The following MOV10 variants were observed in gnomAD, a reference collection of about 807,000 sequenced individuals.
The protein encoded by MOV10 is RNA helicase MOV-10.
Under a neutral mutation model 108.4 loss-of-function variants are expected in MOV10, and 39 were observed. The observed-to-expected ratio is 0.36, with a 90% CI of 0.28 to 0.47. MOV10 has a LOEUF of 0.47. MOV10 is among the 20% of genes least tolerant of loss of function. The pLI is 1.00. For missense variants in MOV10, 952 were observed against 1,297.6 expected, an observed-to-expected ratio of 0.73 and a Z score of 4.09; for synonymous variants, 490 against 523.1, an observed-to-expected ratio of 0.94 and a Z score of 0.86.
Position 112,684,547 on chromosome 1 carries a change from C to T in MOV10, c.138-4388C>T, listed in dbSNP as rs190070602. ...CCTCCCAAAGTGCTGGGATTACAGG[C>T]GTGAGCCACCGTGCCCGGACAGTCC... On this transcript the variant is annotated intron_variant, in intron 2 of 20. Coordinates refer to ENST00000369645, the MANE Select transcript of MOV10 (RefSeq NM_001321324.2). Among the ~76,000 whole-genome samples, 213 of 152,216 alleles carry T rather than the reference C, an allele frequency of 1.4e-3. 1 individual carries two copies. The highest frequency in any genetic ancestry group is 2.0e-3 in the Non-Finnish European group (134 of 67,994).
intron 11 of MOV10, 87 bp from the exon 12 acceptor site, chr1:112,696,061 T>G: frequency 1.1e-6 from 1 of 873,694 alleles, no homozygotes; most frequent in Non-Finnish European, 1.9e-6. Context: ...ATAAAAATAA[T>G]TGTTTGAGGG....
In MOV10 at chr1:112,698,697, C is replaced by A. The variant is rs753802689; in HGVS notation, c.2509-18C>A. 5 of 1,612,762 alleles carry A rather than the reference C, an allele frequency of 3.1e-6. No individual in the cohort carries two copies. The East Asian group carries it at 6.7e-5, about 22-fold the overall frequency. On this transcript the variant is annotated intron_variant, in intron 16 of 20. Transcript: ENST00000369645. ...AGGTTAATGGCACGAGAGAAAGGCA[C>A]CTGTCCCCTCCTTCCAGGTGGAGAA...
At chr1:112,679,466 G>T (rs1570750629) in intron 2 of MOV10, among the ~76,000 whole-genome samples, 1 of 152,050 alleles carries the variant, frequency 6.6e-6, no homozygotes, top group South Asian at 2.1e-4. Flanking sequence ...TTGCATTATC[G>T]TTGTTACTAT....
chr1:112,689,853 A>G lies in MOV10; in HGVS notation c.591A>G (p.Glu197=). ...ATTCTCCTCCAGGTGAATGCTATGA[A>G]CTCCATGTCCATTGTAAGACCAGCT... ...PCPLGPGECY[E]LHVHCKTSFV... The change falls in exon 5 of 21, where the codon GAA becomes GAG. Residue 197 remains glutamate (E), a synonymous_variant. Transcript: ENST00000369645. 1 of 1,613,926 alleles carries G rather than the reference A, an allele frequency of 6.2e-7. No homozygotes were observed. Among genetic ancestry groups the G allele is most frequent in the Non-Finnish European group, 8.5e-7 (1 of 1,179,954 alleles).
intron 2 of MOV10, among the ~76,000 whole-genome samples, chr1:112,680,348 T>G (rs181170696): frequency 4.6e-5 from 7 of 151,618 alleles, no homozygotes; most frequent in Non-Finnish European, 8.8e-5. Context: ...GTTAGATACT[T>G]GTTTAAATGT....
At chr1:112,688,159 A>C (rs1394672173) in intron 2 of MOV10, among the ~76,000 whole-genome samples, 2 of 152,050 alleles carry the variant, frequency 1.3e-5, no homozygotes, top group Non-Finnish European at 2.9e-5. Flanking sequence ...GTGCTCCTCG[A>C]GGCAAGCGCT....
intron 3 of MOV10, 123 bp from the exon 4 acceptor site, chr1:112,689,292 G>C (rs112433463): frequency 8.3e-7 from 1 of 1,211,584 alleles, no homozygotes; most frequent in Non-Finnish European, 1.2e-6. Flanking sequence ...CTGCTGGGAG[G>C]GGGTGAGTTT....
chr1:112,693,673 T>G lies in MOV10; in HGVS notation c.1141-345T>G, dbSNP rs1463877811. The G allele has an allele frequency of 5.1e-5, 8 of 157,836 alleles. No homozygotes were observed. In the East Asian group the frequency reaches 7.3e-4, roughly 14 times the overall value. The allele number at this position is 157,836 out of a possible 1,614,324, so 9.8% of individuals were successfully genotyped here. Reference sequence around the variant, plus strand: ...AGCCACCATGCCTGGTCCGTTTTTTTTTTTTTTTTTTTTTAATTATTTTTT... The same window carrying G: ...AGCCACCATGCCTGGTCCGTTTTTTGTTTTTTTTTTTTTTAATTATTTTTT... On this transcript the variant is annotated intron_variant, in intron 7 of 20. Coordinates refer to ENST00000369645, the MANE Select transcript of MOV10 (RefSeq NM_001321324.2).
In MOV10 at chr1:112,695,582, G is replaced by GGCCAAA. The variant is rs752454584; in HGVS notation, c.1779+9_1779+10insCCAAAG. ...GTACCTGAGGACATCAAGGTACTAGGGAAGTGCAGAGGGCCAAAGAATGGC... is the reference window on the plus strand; with the variant it reads ...GTACCTGAGGACATCAAGGTACTAGGGCCAAAGAAGTGCAGAGGGCCAAAGAATGGC... On this transcript the variant is annotated intron_variant, in intron 11 of 20. Transcript: ENST00000369645. The GGCCAAA allele has an allele frequency of 6.2e-7, 1 of 1,612,966 alleles. No homozygotes were observed. Among genetic ancestry groups the GGCCAAA allele is most frequent in the South Asian group, 1.1e-5 (1 of 90,992 alleles).
At position 112,689,973 on chromosome 1, in the gene MOV10, C is replaced by T. The variant is rs1673436812; in HGVS notation, c.711C>T (p.Phe237=). Residue 237 remains phenylalanine, a synonymous_variant, in exon 5 of 21, where the codon TTC becomes TTT. Coordinates refer to ENST00000369645, the MANE Select transcript of MOV10 (RefSeq NM_001321324.2). The part of the protein sequence containing the change: ...EGAGTFYIAR[F]LAAVAHSPLA... ...CCGGCACATTCTACATTGCCCGCTT[C>T]TTGGCTGCCGTCGCCCACAGCCCCC... 6.2e-6 allele frequency: 10 copies of T among 1,614,170 alleles called. No homozygotes were observed. Among genetic ancestry groups the T allele is most frequent in the Non-Finnish European group, 8.5e-6 (10 of 1,180,048 alleles).
chr1:112,674,959 G>A lies in MOV10; in HGVS notation c.47G>A (p.Cys16Tyr), dbSNP rs1430194817. The A allele has an allele frequency of 1.3e-6, 2 of 1,583,610 alleles. No homozygotes were observed. Among genetic ancestry groups the A allele is most frequent in the African/African-American group, 2.8e-5 (2 of 72,036 alleles). ...SCRQLREAGQ[C>Y]FESFLVVRGL... is the part of the protein sequence containing the mutation. ...CGGCAGCTCCGGGAGGCGGGCCAGT[G>A]TTTCGAGAGTTTCCTGGTCGTTCGG... The change falls in exon 2 of 21, where the codon TGT (cysteine) becomes TAT (tyrosine). Residue 16 changes from cysteine (C) to tyrosine (Y), a missense_variant. Coordinates refer to ENST00000369645, the MANE Select transcript of MOV10 (RefSeq NM_001321324.2).
intron 2 of MOV10, among the ~76,000 whole-genome samples, chr1:112,676,270 A>C (rs141583209): frequency 3.5e-4 from 54 of 152,320 alleles, no homozygotes; most frequent in African/African-American, 9.1e-4. Context: ...ACAATATAGG[A>C]TAGTACATGG....
Position 112,675,473 on chromosome 1 carries a change from G to A in MOV10, c.137+424G>A, listed in dbSNP as rs1009089961. ...CCTGTTGGGGGCTGCGAGCCCGAGC[G>A]CGGGCTTTACAGGGACCTCTGCCAC... is the stretch of plus-strand genomic sequence containing the variant. On this transcript the variant is annotated intron_variant, in intron 2 of 20. Transcript: ENST00000369645. This position sits in a 1 kb window ranked among gnomAD's most constrained non-coding sequence, Gnocchi z 4.7. Among the ~76,000 whole-genome samples the A allele has an allele frequency of 2.0e-5, 3 of 152,222 alleles. No individual in the cohort carries two copies. Among genetic ancestry groups the A allele is most frequent in the African/African-American group, 7.2e-5 (3 of 41,458 alleles).
At position 112,694,055 on chromosome 1, in the gene MOV10, G is replaced by A. The variant is rs114362309; in HGVS notation, c.1178G>A (p.Arg393Gln). The A allele has an allele frequency of 3.1e-6, 5 of 1,613,868 alleles. No homozygotes were observed. Among genetic ancestry groups the A allele is most frequent in the Admixed American group, 1.7e-5 (1 of 59,988 alleles). ...ACTGAGAGCCGCCCCTCAGTGCTAC[G>A]GGGCGACCACCTGTTTGCCCTTTTG... ...GVTESRPSVL[R>Q]GDHLFALLSS... Residue 393 changes from arginine to glutamine, a missense_variant, in exon 8 of 21, where the codon CGG becomes CAG. Physicochemically the swap from Arg to Gln is conservative, Grantham distance 43. Transcript: ENST00000369645. This position sits in a 1 kb window ranked among gnomAD's most constrained non-coding sequence, Gnocchi z 4.1.
chr1:112,686,642 A>T (rs1390419027), intron 2 of MOV10, among the ~76,000 whole-genome samples: 1 of 152,068 alleles, frequency 6.6e-6, no homozygotes, highest in Non-Finnish European at 1.5e-5. Context: ...TTGCCTCTGG[A>T]CCACAGGAAT....
intron 2 of MOV10, among the ~76,000 whole-genome samples, chr1:112,678,114 CA>C (rs1291771201): frequency 6.6e-6 from 1 of 152,022 alleles, no homozygotes; most frequent in African/African-American, 2.4e-5. Flanking sequence ...CTAAATTTTC[CA>C]TTTCCCCAAC....
rs115899215 is a variant in MOV10, at chr1:112,694,875, G to A, written c.1599G>A (p.Thr533=). The A allele has an allele frequency of 2.0e-5, 33 of 1,614,146 alleles. 1 individual carries two copies. The highest frequency in any genetic ancestry group is 1.7e-4 in the Middle Eastern group (1 of 6,056). ...CTCCAGGCACCGGCAAGACTGTCAC[G>A]TTAGTGGAGGCAATTAAGCAGGTGG... ...FGPPGTGKTV[T]LVEAIKQVVK... Residue 533 remains threonine (T), a synonymous_variant, in exon 10 of 21, where the codon ACG becomes ACA. Coordinates refer to ENST00000369645, the MANE Select transcript of MOV10 (RefSeq NM_001321324.2). This position sits in a 1 kb window ranked among gnomAD's most constrained non-coding sequence, Gnocchi z 4.1.
At position 112,695,473 on chromosome 1, in the gene MOV10, G is replaced by A; in HGVS notation, c.1678G>A (p.Ala560Thr). ...GGCCTGCGCTCCATCCAACTCAGGG[G>A]CTGACCTACTCTGTCAAAGGCTCCG... The part of the protein sequence containing the change: ...ILACAPSNSG[A>T]DLLCQRLRVH... Residue 560 changes from alanine (A) to threonine (T), a missense_variant, in exon 11 of 21, where the codon GCT becomes ACT. By Grantham distance (58) the Ala-to-Thr change is moderately conservative. Transcript: ENST00000369645. 6.2e-7 allele frequency: 1 copy of A among 1,614,206 alleles called. No homozygotes were observed. Among genetic ancestry groups the A allele is most frequent in the Non-Finnish European group, 8.5e-7 (1 of 1,180,038 alleles).
intron 2 of MOV10, among the ~76,000 whole-genome samples, chr1:112,688,142 A>C (rs1673237056): frequency 6.6e-6 from 1 of 152,070 alleles, no homozygotes; most frequent in Non-Finnish European, 1.5e-5. Flanking sequence ...GTATATGTTC[A>C]GTCTGTGTGC....
Sources: gnomAD v4.1 joint callset for allele counts (sites outside exome capture counted in the v4.1 genomes callset) on GRCh38, gnomAD v4.1.1 for gene constraint, Gnocchi (gnomAD v3.1) non-coding constraint, MANE v1.5 for transcripts, NCBI Gene and HGNC (gene_info 2026-07-23, HGNC 2026-07-21) for gene names.